XPC: variants seen among roughly 807,000 people sequenced by gnomAD.
XPC encodes DNA repair protein complementing XP-C cells.
XPC carries 76 observed loss-of-function variants against 95.8 expected under a neutral mutation model. The observed-to-expected ratio is 0.79, with a 90% CI of 0.66 to 0.96. The LOEUF (loss-of-function observed/expected upper bound fraction) is 0.96. Among genes scored for constraint, XPC ranks in the 40% least tolerant of loss-of-function variants. XPC has a pLI of 0.00. For synonymous variants in XPC, 442 were observed against 442.1 expected (o/e 1.00, Z 0.00); for missense variants, 1,146 against 1,179.8 (o/e 0.97, Z 0.42).
chr3:14,156,389 T>C lies in XPC; in HGVS notation c.1979A>G (p.Tyr660Cys), dbSNP rs1178661458. Residue 660 changes from tyrosine (Y) to cysteine (C), a missense_variant, in exon 10 of 16, where the codon TAT becomes TGT. Transcript: ENST00000285021. ...KRHLLKYEAIYPETAAILGYC... is the reference protein window; with the variant it reads ...KRHLLKYEAICPETAAILGYC... ...CCCAAGGATGGCAGCTGTCTCGGGA[T>C]AGATGGCCTCATATTTCAGGAGATG... is the stretch of plus-strand genomic sequence containing the variant. The C allele has an allele frequency of 3.7e-6, 6 of 1,613,838 alleles. No individual in the cohort carries two copies. The African/African-American group carries it at 5.3e-5, about 14-fold the overall frequency.
chr3:14,166,419 C>T (rs1037264627), intron 5 of XPC, among the ~76,000 whole-genome samples: 1 of 152,208 alleles, frequency 6.6e-6, no homozygotes, highest in Admixed American at 6.5e-5. Context: ...TAGATTTCTG[C>T]AGTAGCTGCA....
intron 11 of XPC, chr3:14,151,697 T>C (rs1202533758): frequency 6.6e-6 from 1 of 152,254 alleles, no homozygotes; most frequent in Admixed American, 6.5e-5. Context: ...GTCCTGTGAA[T>C]AGTCTCTGTG....
At chr3:14,163,634 G>T (rs1696253867) in intron 7 of XPC, among the ~76,000 whole-genome samples, 1 of 152,102 alleles carries the variant, frequency 6.6e-6, no homozygotes, top group Non-Finnish European at 1.5e-5. Context: ...GTATATACAG[G>T]GTTTCCCTTG....
intron 14 of XPC, 114 bp from the exon 15 acceptor site, chr3:14,147,493 G>A (rs1695489357): frequency 2.0e-6 from 2 of 1,019,252 alleles, no homozygotes; most frequent in Non-Finnish European, 2.9e-6. Context: ...TTAGAATATA[G>A]CCTCTCCTTC....
At chr3:14,169,493 G>C (rs974396885) in intron 3 of XPC, among the ~76,000 whole-genome samples, 3 of 152,166 alleles carry the variant, frequency 2.0e-5, no homozygotes, top group Admixed American at 2.0e-4. Context: ...CAAGGCGGTA[G>C]GTGGGAAATA....
At chr3:14,168,429 T>C (rs374289186) in intron 3 of XPC, 49 bp from the exon 4 acceptor site, 42 of 1,599,144 alleles carry the variant, frequency 2.6e-5, no homozygotes, top group South Asian at 2.1e-4. Flanking sequence ...ACAATAATAA[T>C]AGCTACTGTA....
intron 7 of XPC, among the ~76,000 whole-genome samples, chr3:14,164,125 C>T (rs1222046882): frequency 2.6e-5 from 4 of 152,222 alleles, no homozygotes; most frequent in Non-Finnish European, 1.5e-5. Flanking sequence ...ATATCTTAGA[C>T]TTGTTAAAGC....
Position 14,167,205 on chromosome 3 carries a change from T to C in XPC, c.585A>G (p.Lys195=), listed in dbSNP as rs1696418245. The C allele has an allele frequency of 1.2e-6, 2 of 1,610,564 alleles. No individual in the cohort carries two copies. The highest frequency in any genetic ancestry group is 1.7e-6 in the Non-Finnish European group (2 of 1,178,366). The change falls in exon 5 of 16, where the codon AAA becomes AAG. Residue 195 remains lysine, a synonymous_variant. Coordinates refer to ENST00000285021, the MANE Select transcript of XPC (RefSeq NM_004628.5). ...CCTCATGGACCCCTTTATTGAAACG[T>C]TTCATCGCCCTCCGAAGATATGTCT... ...EFETYLRRAM[K]RFNKGVHEDT...
chr3:14,170,980 T>C (rs1020077214), intron 2 of XPC, among the ~76,000 whole-genome samples: 2 of 152,226 alleles, frequency 1.3e-5, no homozygotes, highest in Non-Finnish European at 2.9e-5. Context: ...TTTCCATCTT[T>C]AAGAAATATG....
chr3:14,172,115 T>C (rs1696638432), intron 2 of XPC, among the ~76,000 whole-genome samples: 1 of 152,178 alleles, frequency 6.6e-6, no homozygotes. Context: ...TCATAATCAC[T>C]GTTCACAACA....
chr3:14,172,722 T>C, intron 2 of XPC, 145 bp downstream of exon 2: 1 of 905,372 alleles, frequency 1.1e-6, no homozygotes, highest in Non-Finnish European at 1.6e-6. Context: ...TTTCCAGCTC[T>C]TACCGGTCTG....
chr3:14,145,773 C>G lies in XPC; in HGVS notation c.*168G>C, dbSNP rs1482002098. 1.2e-6 allele frequency: 1 copy of G among 817,608 alleles called. No individual in the cohort carries two copies. Among genetic ancestry groups the G allele is most frequent in the Admixed American group, 2.0e-5 (1 of 50,086 alleles). The allele number at this position is 817,608 out of a possible 1,614,324, so 50.6% of individuals were successfully genotyped here. Reference sequence around the variant, plus strand: ...GAGCCAGACGGGACCTGCAGCACCTCCTCAGCTTGGCCTCGTCTCCCCTGA... The same window carrying G: ...GAGCCAGACGGGACCTGCAGCACCTGCTCAGCTTGGCCTCGTCTCCCCTGA... On this transcript the variant is annotated 3_prime_UTR_variant, in exon 16 of 16. Coordinates refer to ENST00000285021, the MANE Select transcript of XPC (RefSeq NM_004628.5).
At chr3:14,167,809 G>A (rs954804201) in intron 4 of XPC, among the ~76,000 whole-genome samples, 1 of 152,146 alleles carries the variant, frequency 6.6e-6, no homozygotes, top group Admixed American at 6.5e-5. Context: ...CGGGATGCTG[G>A]GAAGGATAGG....
intron 7 of XPC, among the ~76,000 whole-genome samples, chr3:14,161,470 TG>T (rs1696162991): frequency 1.3e-5 from 2 of 151,282 alleles, no homozygotes; most frequent in South Asian, 4.2e-4. Context: ...TTATACAACA[TG>T]ACCAAGTGGT....
At chr3:14,163,139 C>T (rs544574433) in intron 7 of XPC, among the ~76,000 whole-genome samples, 1 of 152,278 alleles carries the variant, frequency 6.6e-6, no homozygotes, top group East Asian at 1.9e-4. Flanking sequence ...TTGGAATCCT[C>T]GTTCATTGCT....
intron 1 of XPC, among the ~76,000 whole-genome samples, chr3:14,175,571 C>T (rs1008550846): frequency 2.0e-5 from 3 of 152,016 alleles, no homozygotes; most frequent in Admixed American, 6.6e-5. Context: ...AAATAGTAGG[C>T]GCTCAATAAA....
chr3:14,178,360 G>GTT, intron 1 of XPC, 106 bp downstream of exon 1: 1 of 1,299,488 alleles, frequency 7.7e-7, no homozygotes. Context: ...CGGAACGCGC[G>GTT]CAGCAACCTC....
At position 14,158,855 on chromosome 3, in the gene XPC, G is replaced by A; in HGVS notation, c.1028C>T (p.Pro343Leu). 3.1e-6 allele frequency: 5 copies of A among 1,613,914 alleles called. No homozygotes were observed. Among genetic ancestry groups the A allele is most frequent in the Non-Finnish European group, 4.2e-6 (5 of 1,179,868 alleles). ...KPSKERLTAD[P>L]GGSSETSSQV... Reference sequence around the variant, plus strand: ...GCTGGAAGTTTCTGAGGAGCCTCCTGGATCCGCAGTCAATCTTTCCTTGGA... The same window carrying A: ...GCTGGAAGTTTCTGAGGAGCCTCCTAGATCCGCAGTCAATCTTTCCTTGGA... Residue 343 changes from proline to leucine, a missense_variant, in exon 9 of 16, where the codon CCA becomes CTA. By Grantham distance (98) the Pro-to-Leu change is moderately conservative. Coordinates refer to ENST00000285021, the MANE Select transcript of XPC (RefSeq NM_004628.5). This position sits in a 1 kb window ranked among gnomAD's most constrained non-coding sequence, Gnocchi z 5.2.
Position 14,145,966 on chromosome 3 carries a change from T to TGGG in XPC, c.2795_2797dup (p.Ser932_His933insPro). Reference sequence around the variant, plus strand: ...TCACAGCTGCTCAAATGGGAACAGGTGGGAAGCTGCTGCTTTCTTTTCCCT... The same window carrying TGGG: ...TCACAGCTGCTCAAATGGGAACAGGTGGGGGGAAGCTGCTGCTTTCTTTTCCCT... On this transcript the variant is annotated inframe_insertion, in exon 16 of 16. Transcript: ENST00000285021. 6.2e-7 allele frequency: 1 copy of TGGG among 1,608,436 alleles called. No homozygotes were observed. The highest frequency in any genetic ancestry group is 1.7e-4 in the Middle Eastern group (1 of 6,010).
Sources: allele counts gnomAD v4.1 joint callset (sites outside exome capture counted in the v4.1 genomes callset), GRCh38; gene constraint gnomAD v4.1.1; non-coding constraint Gnocchi (gnomAD v3.1); transcripts MANE v1.5; gene names NCBI Gene and HGNC (gene_info 2026-07-23, HGNC 2026-07-21).